Variants in TMPRSS11D observed in about 807,000 individuals in gnomAD.
TMPRSS11D encodes transmembrane serine protease 11D.
In TMPRSS11D, 32 loss-of-function variants were observed where a neutral mutation model predicts 44.4. The ratio of observed to expected loss-of-function variants is 0.72; its 90% CI spans 0.54 to 0.97. The LOEUF is 0.97. Ranked by LOEUF, TMPRSS11D falls within the 50% of genes least tolerant of loss-of-function variation. TMPRSS11D has a pLI of 0.00. For missense variants in TMPRSS11D, 446 were observed against 502.6 expected, an observed-to-expected ratio of 0.89 and a Z score of 1.08; for synonymous variants, 179 against 177.9, an observed-to-expected ratio of 1.01 and a Z score of -0.05.
At position 67,833,710 on chromosome 4, in the gene TMPRSS11D, G is replaced by C. The variant is rs370905075; in HGVS notation, c.515-329C>G. The C allele has an allele frequency of 6.8e-4, 125 of 184,922 alleles. 1 individual carries two copies. The highest frequency in any genetic ancestry group is 2.8e-3 in the African/African-American group (120 of 43,046). 11.5% of individuals were successfully genotyped at this position (184,922 alleles called of 1,614,324 possible). ...GTGCCAGCTCAGGCCACAGACTCCT[G>C]GGAAATTTCCTTTTTCTCAATAGTC... On this transcript the variant is annotated intron_variant, in intron 6 of 9. Coordinates refer to ENST00000283916, the MANE Select transcript of TMPRSS11D (RefSeq NM_004262.3).
intron 1 of TMPRSS11D, among the ~76,000 whole-genome samples, chr4:67,875,028 C>G (rs1231783654): frequency 6.6e-6 from 1 of 152,192 alleles, no homozygotes; most frequent in Non-Finnish European, 1.5e-5. Context: ...ATCTTGCATT[C>G]AATCCCTTCT....
At chr4:67,862,110 T>C (rs933857125) in intron 1 of TMPRSS11D, among the ~76,000 whole-genome samples, 1 of 152,130 alleles carries the variant, frequency 6.6e-6, no homozygotes, top group African/African-American at 2.4e-5. Flanking sequence ...AGTTTCCCTC[T>C]CACTCTTTCT....
rs1289259722 is a variant in TMPRSS11D, at chr4:67,833,288, C to A, written c.608G>T (p.Ser203Ile). ...GTGGTGGGCATTATTGAGCCGCAGACTGACTTGCCACGGCCAGCTTCCCTC... is the reference window on the plus strand; with the variant it reads ...GTGGTGGGCATTATTGAGCCGCAGAATGACTTGCCACGGCCAGCTTCCCTC... ...AEEGSWPWQV[S>I]LRLNNAHHCG... The change falls in exon 7 of 10, where the codon AGT becomes ATT. Residue 203 changes from serine (S) to isoleucine (I), a missense_variant. Coordinates refer to ENST00000283916, the MANE Select transcript of TMPRSS11D (RefSeq NM_004262.3). 6.3e-7 allele frequency: 1 copy of A among 1,599,622 alleles called. No individual in the cohort carries two copies. Among genetic ancestry groups the A allele is most frequent in the Non-Finnish European group, 8.5e-7 (1 of 1,173,530 alleles).
At chr4:67,833,966 C>T (rs954042397) in intron 6 of TMPRSS11D, among the ~76,000 whole-genome samples, 1 of 152,120 alleles carries the variant, frequency 6.6e-6, no homozygotes, top group Non-Finnish European at 1.5e-5. Flanking sequence ...TGCTGTATTA[C>T]CAAACATGCC....
At chr4:67,833,140 G>A (rs1240481091) in intron 7 of TMPRSS11D, 64 bp downstream of exon 7, 2 of 1,280,652 alleles carry the variant, frequency 1.6e-6, no homozygotes, top group Admixed American at 3.4e-5. Context: ...TAGGGTAGAG[G>A]GTGCAGTCTT....
chr4:67,826,832 A>C (rs1181280892), intron 8 of TMPRSS11D, among the ~76,000 whole-genome samples: 1 of 151,944 alleles, frequency 6.6e-6, no homozygotes. Flanking sequence ...AGGCTGAAGC[A>C]AGAGGATTTC....
chr4:67,832,687 G>A (rs1158319514), intron 7 of TMPRSS11D, among the ~76,000 whole-genome samples: 2 of 149,442 alleles, frequency 1.3e-5, no homozygotes, highest in African/African-American at 4.9e-5. Context: ...ATAACACTGT[G>A]CTCATACTAG....
At chr4:67,858,132 T>G (rs1291380485) in intron 2 of TMPRSS11D, among the ~76,000 whole-genome samples, 1 of 152,194 alleles carries the variant, frequency 6.6e-6, no homozygotes, top group African/African-American at 2.4e-5. Context: ...CATAACCTAA[T>G]GGAATCTGTC....
chr4:67,847,824 A>G (rs1427721269), intron 3 of TMPRSS11D, among the ~76,000 whole-genome samples: 6 of 152,318 alleles, frequency 3.9e-5, no homozygotes, highest in Middle Eastern at 3.4e-3. Context: ...CAGCACTCCA[A>G]TGAATTGTTG....
chr4:67,876,039 C>A (rs572557059), intron 1 of TMPRSS11D, among the ~76,000 whole-genome samples: 1 of 152,190 alleles, frequency 6.6e-6, no homozygotes, highest in South Asian at 2.1e-4. Flanking sequence ...GTCTCCTGAA[C>A]AAATGTACTT....
Position 67,822,305 on chromosome 4 carries a change from A to G in TMPRSS11D, c.*32T>C, listed in dbSNP as rs1478790990. 6.2e-7 allele frequency: 1 copy of G among 1,609,734 alleles called. No homozygotes were observed. The highest frequency in any genetic ancestry group is 1.3e-5 in the African/African-American group (1 of 74,850). On this transcript the variant is annotated 3_prime_UTR_variant, in exon 10 of 10. Transcript: ENST00000283916. ...GAATTTAAGACAGGCACACCTGCATACAGACTTTGCAACAGGGATGCACTT... is the reference window on the plus strand; with the variant it reads ...GAATTTAAGACAGGCACACCTGCATGCAGACTTTGCAACAGGGATGCACTT...
At chr4:67,883,413 A>G (rs989455985) in intron 1 of TMPRSS11D, among the ~76,000 whole-genome samples, 2 of 152,080 alleles carry the variant, frequency 1.3e-5, no homozygotes, top group Admixed American at 1.3e-4. Context: ...CTTAAATGTT[A>G]GCAAGAACTT....
At chr4:67,827,081 A>G (rs545959785) in intron 8 of TMPRSS11D, among the ~76,000 whole-genome samples, 180 bp downstream of exon 8, 2 of 152,206 alleles carry the variant, frequency 1.3e-5, no homozygotes, top group East Asian at 3.9e-4. Flanking sequence ...TTTCTGGAGC[A>G]TTGCTTTGCT....
At chr4:67,876,746 A>G (rs1020469920) in intron 1 of TMPRSS11D, among the ~76,000 whole-genome samples, 1 of 152,184 alleles carries the variant, frequency 6.6e-6, no homozygotes, top group East Asian at 1.9e-4. Context: ...GGTGCTCTAT[A>G]GATACAGTGC....
At chr4:67,881,207 T>C (rs1028434415) in intron 1 of TMPRSS11D, among the ~76,000 whole-genome samples, 11 of 152,198 alleles carry the variant, frequency 7.2e-5, no homozygotes, top group African/African-American at 2.7e-4. Context: ...AATCCCTTCC[T>C]TATGACTTAT....
At chr4:67,859,509 T>C (rs761928477) in intron 2 of TMPRSS11D, 48 bp downstream of exon 2, 6 of 1,569,742 alleles carry the variant, frequency 3.8e-6, no homozygotes, top group African/African-American at 1.4e-5. Flanking sequence ...AAATCTGAAA[T>C]TGTATGTAGC....
chr4:67,841,211 G>T (rs1249345173), intron 4 of TMPRSS11D, among the ~76,000 whole-genome samples: 1 of 152,152 alleles, frequency 6.6e-6, no homozygotes, highest in Admixed American at 6.6e-5. Context: ...AGAGCACTCA[G>T]CATATGGGTG....
At chr4:67,837,652 T>G (rs1429238910) in intron 5 of TMPRSS11D, among the ~76,000 whole-genome samples, 1 of 152,154 alleles carries the variant, frequency 6.6e-6, no homozygotes, top group Non-Finnish European at 1.5e-5. Flanking sequence ...GAATATGTGT[T>G]ATATGATGGA....
Sources: gnomAD v4.1 joint callset for allele counts (sites outside exome capture counted in the v4.1 genomes callset) on GRCh38, gnomAD v4.1.1 for gene constraint, MANE v1.5 for transcripts, NCBI Gene and HGNC (gene_info 2026-07-23, HGNC 2026-07-21) for gene names.